Variants in KMT2C observed in about 807,000 individuals in gnomAD.
KMT2C encodes the protein histone-lysine N-methyltransferase 2C.
Under a neutral mutation model 507.9 loss-of-function variants are expected in KMT2C, and 88 were observed. That is an observed-to-expected ratio of 0.17 (90% CI 0.15 to 0.21). The LOEUF (loss-of-function observed/expected upper bound fraction) is 0.21, where lower values mean the gene tolerates loss of function less well. KMT2C is among the 10% of genes least tolerant of loss of function. KMT2C has a pLI of 1.00. For synonymous variants in KMT2C, 2,049 were observed against 2,080.8 expected (o/e 0.98, Z 0.42); for missense variants, 4,954 against 5,957.8 (o/e 0.83, Z 5.55).
At chr7:152,180,236 G>A in intron 36 of KMT2C, 110 bp from the exon 37 acceptor site, 2 of 1,202,450 alleles carry the variant, frequency 1.7e-6, no homozygotes, top group South Asian at 1.3e-5. Context: ...GCCCAGGCTG[G>A]CCTCAAATTC....
chr7:152,159,481 G>C (rs969616926), intron 43 of KMT2C, among the ~76,000 whole-genome samples: 1 of 152,148 alleles, frequency 6.6e-6, no homozygotes, highest in Non-Finnish European at 1.5e-5. Flanking sequence ...TTCCCCTTAG[G>C]AACTAGTGAA....
At chr7:152,186,739 T>C (rs564879805) in intron 33 of KMT2C, among the ~76,000 whole-genome samples, 4 of 152,216 alleles carry the variant, frequency 2.6e-5, no homozygotes, top group African/African-American at 4.8e-5. Flanking sequence ...TATTCAATAA[T>C]TGACATTTCA....
intron 34 of KMT2C, among the ~76,000 whole-genome samples, chr7:152,184,986 G>C (rs965535907): frequency 2.6e-5 from 4 of 152,090 alleles, no homozygotes; most frequent in African/African-American, 7.2e-5. Flanking sequence ...GAACTCCTGG[G>C]CTCAAAGCCA....
rs1235070608 is a variant in KMT2C at position 152,162,295 on chromosome 7, T to C, written c.11282A>G (p.His3761Arg). 1.9e-6 allele frequency: 3 copies of C among 1,614,062 alleles called. No homozygotes were observed. Among genetic ancestry groups the C allele is most frequent in the Admixed American group, 1.7e-5 (1 of 60,004 alleles). ...TTTGGCAGCAGGGGCCCCAGCAGAA[T>C]GGGGAGGACTCTGTGCTGAGGAGAC... ...CPVSSAQSPPHSAGAPAAKGD... is the reference protein window; with the variant it reads ...CPVSSAQSPPRSAGAPAAKGD... The change falls in exon 43 of 59, where the codon CAT becomes CGT. Residue 3761 changes from histidine (H) to arginine (R), a missense_variant. Physicochemically the swap from His to Arg is conservative, Grantham distance 29. Coordinates refer to ENST00000262189, the MANE Select transcript of KMT2C (RefSeq NM_170606.3).
chr7:152,143,725 G>A (rs1291679583), intron 55 of KMT2C, among the ~76,000 whole-genome samples: 1 of 152,270 alleles, frequency 6.6e-6, no homozygotes, highest in Non-Finnish European at 1.5e-5. Flanking sequence ...GACCTCCACT[G>A]AGGTGTAGTT....
At position 152,199,443 on chromosome 7, in the gene KMT2C, T is replaced by C; in HGVS notation, c.4109A>G (p.Lys1370Arg). Residue 1370 changes from lysine to arginine, a missense_variant, in exon 27 of 59, where the codon AAA becomes AGA. Lys to Arg is a conservative substitution (Grantham distance 26, BLOSUM62 2). This residue lies in a region of KMT2C where 176 missense variants were observed against 262.0 expected (regional missense o/e 0.67). Coordinates refer to ENST00000262189, the MANE Select transcript of KMT2C (RefSeq NM_170606.3). ...PAYLQEAFFG[K>R]DLLDTSRQSK... is the part of the protein sequence containing the mutation. ...TTGTCTACTTGTATCTAGAAGATCT[T>C]TTCCAAAGAAAGCTTCCTAGATGAA... The C allele has an allele frequency of 6.4e-7, 1 of 1,553,802 alleles. No individual in the cohort carries two copies. The highest frequency in any genetic ancestry group is 8.6e-7 in the Non-Finnish European group (1 of 1,159,614).
chr7:152,319,312 A>G (rs1413645193), intron 3 of KMT2C, among the ~76,000 whole-genome samples: 1 of 152,156 alleles, frequency 6.6e-6, no homozygotes, highest in Non-Finnish European at 1.5e-5. Context: ...CTTTATTCCA[A>G]TATTATAATA....
At chr7:152,172,782 A>AC (rs1265676824) in intron 39 of KMT2C, among the ~76,000 whole-genome samples, 1 of 152,198 alleles carries the variant, frequency 6.6e-6, no homozygotes, top group Non-Finnish European at 1.5e-5. Context: ...AGCAAGTACC[A>AC]CAACTATCAC....
At chr7:152,252,755 T>G in intron 9 of KMT2C, 40 bp from the exon 10 acceptor site, 1 of 1,455,634 alleles carries the variant, frequency 6.9e-7, no homozygotes, top group South Asian at 1.2e-5. Flanking sequence ...CAGTTTGTTA[T>G]GCATTTGTAA....
intron 14 of KMT2C, among the ~76,000 whole-genome samples, chr7:152,246,158 A>G (rs1250732587): frequency 2.6e-5 from 4 of 152,168 alleles, no homozygotes; most frequent in Non-Finnish European, 5.9e-5. Flanking sequence ...ATCTTGTACT[A>G]TTCAATTCAT....
At chr7:152,367,116 G>C (rs2097253627) in intron 1 of KMT2C, 1 of 927,282 alleles carries the variant, frequency 1.1e-6, no homozygotes, top group Non-Finnish European at 1.7e-6. Flanking sequence ...AGGAAGAGAA[G>C]AGTGTGGTCT....
intron 6 of KMT2C, among the ~76,000 whole-genome samples, chr7:152,294,952 G>A (rs1048099764): frequency 1.4e-4 from 21 of 151,928 alleles, no homozygotes; most frequent in African/African-American, 5.1e-4. Context: ...CTGCTAGTTA[G>A]GAAAACTGTC....
At chr7:152,239,607 TA>T (rs2095347608) in intron 14 of KMT2C, among the ~76,000 whole-genome samples, 1 of 152,160 alleles carries the variant, frequency 6.6e-6, no homozygotes, top group Non-Finnish European at 1.5e-5. Context: ...TAACTAAAAC[TA>T]AAGCATTTTA....
intron 1 of KMT2C, among the ~76,000 whole-genome samples, chr7:152,415,666 A>G (rs2097727391): frequency 6.6e-6 from 1 of 152,006 alleles, no homozygotes; most frequent in Non-Finnish European, 1.5e-5. Flanking sequence ...GGATCATGAG[A>G]TCAGGTGCTC....
chr7:152,180,174 CT>C (rs2093383554), intron 36 of KMT2C, 48 bp from the exon 37 acceptor site: 3 of 1,594,144 alleles, frequency 1.9e-6, no homozygotes, highest in Non-Finnish European at 2.6e-6. Context: ...TAATTAATGG[CT>C]TTTTAAAGGT....
chr7:152,228,577 TA>T, intron 18 of KMT2C, among the ~76,000 whole-genome samples: 1 of 152,304 alleles, frequency 6.6e-6, no homozygotes, highest in South Asian at 2.1e-4. Context: ...ATGTGTTTGA[TA>T]GTGCACTAAT....
At chr7:152,286,461 C>T (rs1421275102) in intron 6 of KMT2C, among the ~76,000 whole-genome samples, 1 of 152,426 alleles carries the variant, frequency 6.6e-6, no homozygotes, top group East Asian at 1.9e-4. Context: ...AATGATACTA[C>T]TGACACCACA....
chr7:152,227,691 G>A (rs1242169003), intron 18 of KMT2C, among the ~76,000 whole-genome samples: 2 of 152,222 alleles, frequency 1.3e-5, no homozygotes, highest in Non-Finnish European at 2.9e-5. Context: ...TCAAAATGAA[G>A]AAGCAATAAC....
intron 2 of KMT2C, among the ~76,000 whole-genome samples, chr7:152,350,932 G>A (rs555679842): frequency 6.6e-6 from 1 of 152,174 alleles, no homozygotes; most frequent in South Asian, 2.1e-4. Context: ...TATTCTGTAA[G>A]TTTTTTGGTT....
Sources: allele counts gnomAD v4.1 joint callset (sites outside exome capture counted in the v4.1 genomes callset), GRCh38; gene constraint gnomAD v4.1.1; regional missense constraint gnomAD v4.1.1; transcripts MANE v1.5; gene names NCBI Gene and HGNC (gene_info 2026-07-23, HGNC 2026-07-21).